The following ATP2B2 variants were observed in gnomAD, a reference collection of about 807,000 sequenced individuals.
ATP2B2 encodes ATPase plasma membrane Ca2+ transporting 2.
ATP2B2 carries 15 observed loss-of-function variants against 120.0 expected under a neutral mutation model. The ratio of observed to expected loss-of-function variants is 0.12; its 90% CI spans 0.08 to 0.19. The LOEUF (loss-of-function observed/expected upper bound fraction) is 0.19, where lower values mean the gene tolerates loss of function less well. Ranked by LOEUF, ATP2B2 falls within the 10% of genes least tolerant of loss-of-function variation. ATP2B2 has a pLI of 1.00. For missense variants in ATP2B2, 1,045 were observed against 1,719.8 expected (o/e 0.61, Z 6.94); for synonymous variants, 694 against 700.3 (o/e 0.99, Z 0.14).
intron 3 of ATP2B2, among the ~76,000 whole-genome samples, chr3:10,526,610 C>A (rs2067099435): frequency 6.6e-6 from 1 of 152,152 alleles, no homozygotes. Context: ...TGTGTGGCAC[C>A]CCCAGACCCA....
At position 10,556,443 on chromosome 3, in the gene ATP2B2, G is replaced by C. The variant is rs576836680; in HGVS notation, c.-414-22310C>G. On this transcript the variant is annotated intron_variant, in intron 2 of 21. Transcript: ENST00000646379. ...CATTAAATAAAAATTGACTGTGTCAGGAGAGGATTGCCGTTGTGAAGCACA... is the reference window on the plus strand; with the variant it reads ...CATTAAATAAAAATTGACTGTGTCACGAGAGGATTGCCGTTGTGAAGCACA... Among the ~76,000 whole-genome samples the C allele has an allele frequency of 3.9e-5, 6 of 152,342 alleles. No homozygotes were observed. The East Asian group carries it at 1.2e-3, about 29-fold the overall frequency.
At chr3:10,471,998 G>A (rs1036313064) in intron 1 of ATP2B2, among the ~76,000 whole-genome samples, 198 of 150,306 alleles carry the variant, frequency 1.3e-3, no homozygotes, top group African/African-American at 3.7e-4. Flanking sequence ...GGAGAATGGC[G>A]TGAACCCGGG....
intron 1 of ATP2B2, among the ~76,000 whole-genome samples, chr3:10,663,633 G>C (rs546674314): frequency 6.6e-6 from 1 of 152,132 alleles, no homozygotes; most frequent in Non-Finnish European, 1.5e-5. Flanking sequence ...TAACCCTCTG[G>C]GGGCCTGCTA....
chr3:10,432,695 C>A (rs2063356590), intron 2 of ATP2B2, among the ~76,000 whole-genome samples: 1 of 152,248 alleles, frequency 6.6e-6, no homozygotes, highest in Admixed American at 6.5e-5. Flanking sequence ...GTGGCAGGGG[C>A]ATGTCTTCAC....
rs754127844 is a variant in ATP2B2, at chr3:10,615,234, C to A, written c.-415+4683G>T. On this transcript the variant is annotated intron_variant, in intron 2 of 21. Transcript: ENST00000646379. ...GAGCAGATCTGTGTTTTCAAAGGACCTGTCTGGCTGCTGCCATGGGGTGGG... is the reference window on the plus strand; with the variant it reads ...GAGCAGATCTGTGTTTTCAAAGGACATGTCTGGCTGCTGCCATGGGGTGGG... 2.6e-5 allele frequency among the ~76,000 whole-genome samples: 4 copies of A among 152,264 alleles called. No homozygotes were observed. In the East Asian group the frequency reaches 7.7e-4, roughly 29 times the overall value.
chr3:10,531,149 T>C (rs1559442968), intron 3 of ATP2B2, among the ~76,000 whole-genome samples: 1 of 152,280 alleles, frequency 6.6e-6, no homozygotes, highest in South Asian at 2.1e-4. Flanking sequence ...CCTTTCACTC[T>C]GGCTCCAGAG....
rs147030993 is a variant in ATP2B2, at chr3:10,632,963, G to A, written c.-459-13002C>T. Among the ~76,000 whole-genome samples the A allele has an allele frequency of 2.9e-3, 436 of 152,374 alleles. 6 individuals carry two copies. Among genetic ancestry groups the A allele is most frequent in the African/African-American group, 9.8e-3 (408 of 41,590 alleles). On this transcript the variant is annotated intron_variant, in intron 1 of 21. Transcript: ENST00000646379. ...TAAGGGCATCTGAGGACACTCAAAT[G>A]GAGGGGGGCACATCTCTGTGTGACT... is the stretch of plus-strand genomic sequence containing the variant.
chr3:10,669,937 C>T (rs2071051032), intron 1 of ATP2B2, among the ~76,000 whole-genome samples: 1 of 152,194 alleles, frequency 6.6e-6, no homozygotes, highest in South Asian at 2.1e-4. Flanking sequence ...AAGCACTGGG[C>T]TGGCCATAGA....
intron 2 of ATP2B2, among the ~76,000 whole-genome samples, chr3:10,437,508 GCCACTTCCTAACGC>G (rs1223234175): frequency 6.6e-6 from 1 of 152,214 alleles, no homozygotes; most frequent in Admixed American, 6.5e-5. Context: ...TCACCACACT[GCCACTTCCTAACGC>G]CCACTTCTTA....
At chr3:10,483,308 G>C (rs2065490020) in intron 1 of ATP2B2, among the ~76,000 whole-genome samples, 1 of 152,224 alleles carries the variant, frequency 6.6e-6, no homozygotes, top group Admixed American at 6.5e-5. Context: ...AGGGCAGGGA[G>C]GACTCCTAAG....
chr3:10,699,206 C>T (rs1006799131), intron 1 of ATP2B2, among the ~76,000 whole-genome samples: 2 of 152,194 alleles, frequency 1.3e-5, no homozygotes, highest in African/African-American at 4.8e-5. Flanking sequence ...TCAGTGACTC[C>T]ACTTCTAGGA....
chr3:10,544,073 T>C (rs1373969613), intron 2 of ATP2B2, among the ~76,000 whole-genome samples: 1 of 152,116 alleles, frequency 6.6e-6, no homozygotes, highest in East Asian at 1.9e-4. Context: ...ATAATGAGTC[T>C]TCAGAAAAGA....
rs1464317425 is a variant in ATP2B2, at chr3:10,378,348, C to T, written c.1105G>A (p.Asp369Asn). Residue 369 changes from aspartate (D) to asparagine (N), a missense_variant, in exon 10 of 23, where the codon GAC (aspartate) becomes AAC (asparagine). Transcript: ENST00000360273. ...MQPLKSAEGGDADDRKKASMH... is the reference protein window; with the variant it reads ...MQPLKSAEGGNADDRKKASMH... ...CTGGCCTTCTTCCTGTCGTCAGCGT[C>T]GCCGCCCTCGGCACTCTTGAGGGGC... 2.5e-6 allele frequency: 4 copies of T among 1,607,134 alleles called. No individual in the cohort carries two copies. The highest frequency in any genetic ancestry group is 3.4e-6 in the Non-Finnish European group (4 of 1,180,020).
chr3:10,386,499 C>T lies in ATP2B2; in HGVS notation c.921G>A (p.Gly307=). Residue 307 remains glycine (G), a synonymous_variant, in exon 7 of 23, where the codon GGG becomes GGA. Coordinates refer to ENST00000360273, the MANE Select transcript of ATP2B2 (RefSeq NM_001001331.4). ...EKKDKKGVKK[G]DGLQLPAADG... Reference sequence around the variant, plus strand: ...CTGTACCTGGTAGCTGAAGGCCATCCCCCTTCTTCACACCTGTGTGATGAT... The same window carrying T: ...CTGTACCTGGTAGCTGAAGGCCATCTCCCTTCTTCACACCTGTGTGATGAT... 6.2e-7 allele frequency: 1 copy of T among 1,614,174 alleles called. No homozygotes were observed. Among genetic ancestry groups the T allele is most frequent in the Non-Finnish European group, 8.5e-7 (1 of 1,180,000 alleles).
At chr3:10,561,079 G>T (rs1042629318) in intron 2 of ATP2B2, among the ~76,000 whole-genome samples, 2 of 152,138 alleles carry the variant, frequency 1.3e-5, no homozygotes, top group African/African-American at 4.8e-5. Flanking sequence ...GCTCACATAG[G>T]GTTCTGTACA....
chr3:10,484,989 T>A (rs535791755), intron 1 of ATP2B2, among the ~76,000 whole-genome samples: 69 of 152,326 alleles, frequency 4.5e-4, no homozygotes, highest in African/African-American at 1.6e-3. Context: ...TGCCTGGCAC[T>A]GACAGGCCTT....
chr3:10,457,719 G>A (rs1227145472), intron 1 of ATP2B2, among the ~76,000 whole-genome samples: 2 of 152,162 alleles, frequency 1.3e-5, no homozygotes, highest in African/African-American at 2.4e-5. Context: ...AACAGGGAAA[G>A]AGGAAGGGAA....
At chr3:10,651,171 T>C (rs996711584) in intron 1 of ATP2B2, among the ~76,000 whole-genome samples, 1 of 152,218 alleles carries the variant, frequency 6.6e-6, no homozygotes, top group Non-Finnish European at 1.5e-5. Context: ...AATGCTGAAA[T>C]AAATTAAGAC....
chr3:10,616,087 A>C (rs978985471), intron 2 of ATP2B2, among the ~76,000 whole-genome samples: 7 of 152,176 alleles, frequency 4.6e-5, no homozygotes, highest in African/African-American at 1.7e-4. Context: ...TACAGTTCCA[A>C]GTTCAGTGCT....
Sources: gnomAD v4.1 joint callset for allele counts (sites outside exome capture counted in the v4.1 genomes callset) on GRCh38, gnomAD v4.1.1 for gene constraint, MANE v1.5 for transcripts, NCBI Gene and HGNC (gene_info 2026-07-23, HGNC 2026-07-21) for gene names.